PRELID2: variants seen among roughly 807,000 people sequenced by gnomAD.
PRELID2 encodes the protein PRELI domain containing 2.
A neutral mutation model predicts 28.4 loss-of-function variants in PRELID2; 25 were observed. The ratio of observed to expected loss-of-function variants is 0.88; its 90% CI spans 0.64 to 1.23. The LOEUF is 1.23. Among genes scored for constraint, PRELID2 ranks in the 50% most tolerant of loss-of-function variants. The pLI, the probability that PRELID2 is intolerant of heterozygous loss-of-function variation, is 0.00. For missense variants in PRELID2, 201 were observed against 214.4 expected (o/e 0.94, Z 0.39); for synonymous variants, 76 against 71.6 (o/e 1.06, Z -0.31).
At chr5:145,306,575 A>C in the PRELID2 span, among the ~76,000 whole-genome samples, 6 of 152,050 alleles carry the variant, frequency 3.9e-5, no homozygotes, top group Non-Finnish European at 8.8e-5. Flanking sequence ...ATTTATTTTA[A>C]ATTACTTCTT....
intron 5 of PRELID2, among the ~76,000 whole-genome samples, chr5:145,770,376 C>T (rs751871823): frequency 6.6e-6 from 1 of 151,820 alleles, no homozygotes; most frequent in Non-Finnish European, 1.5e-5. Flanking sequence ...TTTAATTAGC[C>T]AGTTGCAGTG....
intron 5 of PRELID2, among the ~76,000 whole-genome samples, chr5:145,793,980 C>T (rs997428209): frequency 6.6e-6 from 1 of 152,158 alleles, no homozygotes. Context: ...AACTGGACAA[C>T]TTGACTTCCA....
chr5:145,518,960 G>C (rs1184898893), intron 1 of PRELID2, among the ~76,000 whole-genome samples: 2 of 152,154 alleles, frequency 1.3e-5, no homozygotes, highest in Non-Finnish European at 2.9e-5. Context: ...GATCCACAGT[G>C]TTCCTGAATG....
intron 4 of PRELID2, among the ~76,000 whole-genome samples, chr5:145,817,442 T>A (rs1754442402): frequency 7.2e-6 from 1 of 139,810 alleles, no homozygotes; most frequent in South Asian, 2.2e-4. Context: ...TATATATATA[T>A]ATATATCACA....
the PRELID2 span, among the ~76,000 whole-genome samples, chr5:145,425,559 G>A: frequency 6.6e-6 from 1 of 152,130 alleles, no homozygotes; most frequent in African/African-American, 2.4e-5. Context: ...CATACACCAT[G>A]GAATACTATG....
the PRELID2 span, among the ~76,000 whole-genome samples, chr5:145,243,586 C>T: frequency 6.6e-6 from 1 of 152,008 alleles, no homozygotes; most frequent in Non-Finnish European, 1.5e-5. Flanking sequence ...TTCTCAGTGT[C>T]ATCATCACCA....
chr5:145,415,348 T>G, the PRELID2 span, among the ~76,000 whole-genome samples: 1 of 151,936 alleles, frequency 6.6e-6, no homozygotes, highest in Non-Finnish European at 1.5e-5. Flanking sequence ...TAGTTACATA[T>G]GTATACATGT....
chr5:145,606,540 T>C (rs1018328668), intron 1 of PRELID2, among the ~76,000 whole-genome samples: 7 of 152,198 alleles, frequency 4.6e-5, no homozygotes, highest in Middle Eastern at 3.2e-3. Context: ...TTTTTGATTT[T>C]AGTTCTGTTT....
At chr5:145,826,508 T>A (rs1049573504) in intron 1 of PRELID2, among the ~76,000 whole-genome samples, 1 of 152,224 alleles carries the variant, frequency 6.6e-6, no homozygotes, top group Non-Finnish European at 1.5e-5. Context: ...ATTTTGCATT[T>A]CCTTATAATT....
At chr5:145,417,814 G>A in the PRELID2 span, among the ~76,000 whole-genome samples, 18 of 152,242 alleles carry the variant, frequency 1.2e-4, no homozygotes, top group East Asian at 2.7e-3. Flanking sequence ...AAAGCTGGAG[G>A]CATTCCTCTT....
the PRELID2 span, among the ~76,000 whole-genome samples, chr5:145,389,688 A>C: frequency 6.6e-6 from 1 of 152,134 alleles, no homozygotes; most frequent in South Asian, 2.1e-4. Context: ...AGCATGGCAT[A>C]CAAATTTGGA....
chr5:145,423,285 C>T, the PRELID2 span, among the ~76,000 whole-genome samples: 15 of 148,694 alleles, frequency 1.0e-4, no homozygotes, highest in Admixed American at 2.7e-4. Flanking sequence ...GTTGGCCTGC[C>T]TTGCTAGATT....
At chr5:145,558,037 T>C (rs1400186820) in intron 1 of PRELID2, among the ~76,000 whole-genome samples, 1 of 152,198 alleles carries the variant, frequency 6.6e-6, no homozygotes, top group African/African-American at 2.4e-5. Context: ...TTATTTAATG[T>C]CATGTCATTT....
the PRELID2 span, among the ~76,000 whole-genome samples, chr5:145,401,827 G>C: frequency 6.6e-6 from 1 of 152,114 alleles, no homozygotes. Context: ...TTAGTAATGT[G>C]AGACAGTGCT....
the PRELID2 span, among the ~76,000 whole-genome samples, chr5:145,331,658 T>C: frequency 5.3e-5 from 8 of 152,276 alleles, no homozygotes; most frequent in Admixed American, 2.6e-4. Context: ...TGAGCCTATG[T>C]GTGTCTTTGC....
chr5:145,494,713 C>T (rs1166705508), intron 1 of PRELID2, among the ~76,000 whole-genome samples: 1 of 151,880 alleles, frequency 6.6e-6, no homozygotes, highest in South Asian at 2.1e-4. Context: ...TATTATGTAC[C>T]ATGAGAAGAA....
chr5:145,703,623 T>C (rs1401544731), intron 1 of PRELID2, among the ~76,000 whole-genome samples: 3 of 152,230 alleles, frequency 2.0e-5, no homozygotes, highest in Non-Finnish European at 2.9e-5. Flanking sequence ...GGAAAGAAGA[T>C]ATAAATTGGC....
At chr5:145,781,649 CTATATAT>C in intron 5 of PRELID2, among the ~76,000 whole-genome samples, 1 of 135,294 alleles carries the variant, frequency 7.4e-6, no homozygotes. Flanking sequence ...TATATATATA[CTATATAT>C]ACACACTATA....
intron 1 of PRELID2, among the ~76,000 whole-genome samples, chr5:145,528,714 CACACACACACACAGAG>C (rs1379663366): frequency 4.6e-5 from 6 of 131,618 alleles, no homozygotes; most frequent in Admixed American, 1.6e-4. Context: ...CACACACACA[CACACACACACACAGAG>C]AGAGAGAGAG....
Sources: gnomAD v4.1 joint callset for allele counts (sites outside exome capture counted in the v4.1 genomes callset) on GRCh38, gnomAD v4.1.1 for gene constraint, MANE v1.5 for transcripts, NCBI Gene and HGNC (gene_info 2026-07-23, HGNC 2026-07-21) for gene names.